Variants in ZNF423 observed in about 807,000 individuals in gnomAD.
The protein encoded by ZNF423 is zinc finger protein 423.
In ZNF423, 12 loss-of-function variants were observed where a neutral mutation model predicts 95.8. The ratio of observed to expected loss-of-function variants is 0.13; its 90% CI spans 0.08 to 0.20. The LOEUF (loss-of-function observed/expected upper bound fraction) is 0.20, where lower values mean the gene tolerates loss of function less well. ZNF423 is among the 10% of genes least tolerant of loss of function. ZNF423 has a pLI of 1.00. For synonymous variants in ZNF423, 749 were observed against 711.9 expected (o/e 1.05, Z -0.83); for missense variants, 1,316 against 1,737.1 (o/e 0.76, Z 4.31).
At chr16:49,789,459 A>G (rs1352551266) in intron 2 of ZNF423, 28 bp downstream of exon 2, 2 of 1,607,264 alleles carry the variant, frequency 1.2e-6, no homozygotes, top group Non-Finnish European at 1.7e-6. Flanking sequence ...ACCCCCTGCA[A>G]CTCTTCCACC....
intron 4 of ZNF423, among the ~76,000 whole-genome samples, chr16:49,634,833 G>A (rs2151879286): frequency 6.6e-6 from 1 of 152,250 alleles, no homozygotes; most frequent in Non-Finnish European, 1.5e-5. Context: ...GCCTGTGTGG[G>A]CCCATCCATA....
chr16:49,815,870 CAAA>C (rs1168729871), intron 1 of ZNF423, among the ~76,000 whole-genome samples: 26 of 39,522 alleles, frequency 6.6e-4, no homozygotes, highest in East Asian at 2.8e-3. Flanking sequence ...TCCAAACAAA[CAAA>C]AAAAAAAAAT....
intron 5 of ZNF423, among the ~76,000 whole-genome samples, chr16:49,565,184 G>A (rs1043067837): frequency 6.6e-6 from 1 of 152,116 alleles, no homozygotes; most frequent in African/African-American, 2.4e-5. Flanking sequence ...GCATACGGGC[G>A]AACCATTTGT....
chr16:49,541,766 T>C (rs1969257855), intron 5 of ZNF423, among the ~76,000 whole-genome samples: 1 of 152,178 alleles, frequency 6.6e-6, no homozygotes, highest in African/African-American at 2.4e-5. Context: ...TCACGAGATC[T>C]GATGGTTTTA....
At chr16:49,816,826 G>A (rs2034863273) in intron 1 of ZNF423, among the ~76,000 whole-genome samples, 1 of 152,114 alleles carries the variant, frequency 6.6e-6, no homozygotes, top group South Asian at 2.1e-4. Context: ...AAATGTCTTA[G>A]TCTAGAGGAG....
intron 2 of ZNF423, among the ~76,000 whole-genome samples, chr16:49,787,128 G>T (rs1038824384): frequency 2.0e-5 from 3 of 152,052 alleles, no homozygotes; most frequent in Non-Finnish European, 2.9e-5. Context: ...ATGTGACATC[G>T]CCCACGTCCA....
intron 5 of ZNF423, among the ~76,000 whole-genome samples, chr16:49,608,679 A>G (rs1596711045): frequency 2.0e-5 from 3 of 152,312 alleles, no homozygotes; most frequent in East Asian, 3.9e-4. Context: ...CAGAAACACC[A>G]ACAAGGATTT....
At chr16:49,597,127 G>T (rs1013295336) in intron 5 of ZNF423, among the ~76,000 whole-genome samples, 5 of 152,122 alleles carry the variant, frequency 3.3e-5, no homozygotes, top group Admixed American at 2.0e-4. Context: ...CTCCAAGTTG[G>T]GAGTGTCTGT....
intron 2 of ZNF423, among the ~76,000 whole-genome samples, chr16:49,787,930 C>T (rs912999040): frequency 1.3e-5 from 2 of 152,210 alleles, no homozygotes; most frequent in Admixed American, 6.5e-5. Flanking sequence ...CCTCGTCTCT[C>T]AGGAGGACTA....
intron 5 of ZNF423, among the ~76,000 whole-genome samples, chr16:49,556,935 T>C (rs905515745): frequency 5.9e-5 from 9 of 152,156 alleles, no homozygotes; most frequent in Admixed American, 5.2e-4. Flanking sequence ...TGTCAACAGC[T>C]GTAAAAATAT....
intron 5 of ZNF423, among the ~76,000 whole-genome samples, chr16:49,615,236 G>A (rs1048216657): frequency 6.6e-6 from 1 of 152,106 alleles, no homozygotes; most frequent in Non-Finnish European, 1.5e-5. Flanking sequence ...AGGGTGCAGG[G>A]TTGCCAGGTA....
chr16:49,804,730 C>T (rs558646994), intron 1 of ZNF423, among the ~76,000 whole-genome samples: 38 of 152,250 alleles, frequency 2.5e-4, no homozygotes, highest in East Asian at 1.5e-3. Context: ...CCCAATCCAC[C>T]ATATTTTGCT....
At chr16:49,657,546 G>A (rs1304723300) in intron 3 of ZNF423, among the ~76,000 whole-genome samples, 1 of 152,236 alleles carries the variant, frequency 6.6e-6, no homozygotes, top group Non-Finnish European at 1.5e-5. Flanking sequence ...AAAGGGAGGG[G>A]AGGTGATGCC....
intron 2 of ZNF423, among the ~76,000 whole-genome samples, chr16:49,788,355 G>A (rs1331842851): frequency 2.0e-5 from 3 of 152,176 alleles, no homozygotes; most frequent in Admixed American, 6.5e-5. Context: ...CAAGCTTCCC[G>A]CTGAGTCTCC....
intron 3 of ZNF423, among the ~76,000 whole-genome samples, chr16:49,665,979 C>T (rs191544660): frequency 1.4e-4 from 21 of 152,296 alleles, no homozygotes; most frequent in African/African-American, 4.8e-4. Flanking sequence ...GCCTGGCTGT[C>T]CCGAGTGGGC....
At chr16:49,760,311 ATGGG>A (rs1480763732) in intron 2 of ZNF423, among the ~76,000 whole-genome samples, 11 of 7,394 alleles carry the variant, frequency 1.5e-3, no homozygotes, top group Admixed American at 3.4e-3. Flanking sequence ...GGATGGGTGG[ATGGG>A]TGGGTGGGTG....
intron 2 of ZNF423, among the ~76,000 whole-genome samples, chr16:49,733,600 C>A (rs907889459): frequency 6.6e-6 from 1 of 152,146 alleles, no homozygotes; most frequent in Non-Finnish European, 1.5e-5. Flanking sequence ...CCCCTATGGC[C>A]GGCTACTAAT....
chr16:49,683,649 G>A (rs1052001501), intron 3 of ZNF423, among the ~76,000 whole-genome samples: 1 of 152,186 alleles, frequency 6.6e-6, no homozygotes, highest in Non-Finnish European at 1.5e-5. Flanking sequence ...AGGAAGAGGG[G>A]CCCCCTGGGT....
intron 2 of ZNF423, chr16:49,780,699 C>G (rs1220332987): frequency 1.3e-5 from 2 of 152,228 alleles, no homozygotes; most frequent in Non-Finnish European, 2.9e-5. Context: ...GCCTGCCACG[C>G]TCCCCCGGTG....
Sources: allele counts gnomAD v4.1 joint callset (sites outside exome capture counted in the v4.1 genomes callset), GRCh38; gene constraint gnomAD v4.1.1; transcripts MANE v1.5; gene names NCBI Gene and HGNC (gene_info 2026-07-23, HGNC 2026-07-21).